The following CCDC7 variants were observed in gnomAD, a reference collection of about 807,000 sequenced individuals.
CCDC7 encodes coiled-coil domain-containing protein 7.
In CCDC7, 183 loss-of-function variants were observed where a neutral mutation model predicts 196.9. The ratio of observed to expected loss-of-function variants is 0.93; its 90% CI spans 0.82 to 1.05. The LOEUF is 1.05. Ranked by LOEUF, CCDC7 falls within the 50% of genes least tolerant of loss-of-function variation. The pLI is 0.00. For missense variants in CCDC7, 1,540 were observed against 1,482.2 expected, an observed-to-expected ratio of 1.04 and a Z score of -0.64; for synonymous variants, 525 against 484.6, an observed-to-expected ratio of 1.08 and a Z score of -1.10.
At chr10:32,827,896 G>A (rs2091388067) in intron 32 of CCDC7, among the ~76,000 whole-genome samples, 1 of 152,124 alleles carries the variant, frequency 6.6e-6, no homozygotes, top group Non-Finnish European at 1.5e-5. Context: ...ATGCAGCCAC[G>A]AAATCCCTTT....
chr10:32,564,665 G>A (rs1438736881), intron 13 of CCDC7, among the ~76,000 whole-genome samples: 2 of 152,034 alleles, frequency 1.3e-5, no homozygotes, highest in South Asian at 2.1e-4. Context: ...GTGGGGGGAC[G>A]GGGGAGGGAT....
At chr10:32,723,861 G>A (rs16933643) in intron 25 of CCDC7, among the ~76,000 whole-genome samples, 7,624 of 151,886 alleles carry the variant, frequency 0.05, 625 homozygotes, top group African/African-American at 0.17. Context: ...TTGCTGCATC[G>A]CAGGCTATCT....
intron 9 of CCDC7, among the ~76,000 whole-genome samples, chr10:32,504,939 C>G (rs1037886474): frequency 2.0e-5 from 3 of 152,142 alleles, no homozygotes; most frequent in Admixed American, 2.0e-4. Flanking sequence ...AAGTATCGTT[C>G]AAGTCCGATG....
At chr10:32,845,738 T>C (rs2093250548) in intron 35 of CCDC7, 112 bp downstream of exon 36, 2 of 1,157,206 alleles carry the variant, frequency 1.7e-6, no homozygotes. Flanking sequence ...ATTACACAGG[T>C]AAAATTCTTC....
intron 32 of CCDC7, among the ~76,000 whole-genome samples, chr10:32,831,021 A>G (rs1414530010): frequency 6.6e-6 from 1 of 152,168 alleles, no homozygotes; most frequent in African/African-American, 2.4e-5. Context: ...TCGTTGGGTG[A>G]CTTCATCATC....
chr10:32,546,339 G>A (rs542551507), intron 13 of CCDC7, among the ~76,000 whole-genome samples: 6 of 152,288 alleles, frequency 3.9e-5, no homozygotes, highest in Non-Finnish European at 7.4e-5. Flanking sequence ...TAAACAACAT[G>A]TGATTGCAAA....
chr10:32,782,000 A>G (rs2081134793), intron 29 of CCDC7, among the ~76,000 whole-genome samples: 1 of 152,224 alleles, frequency 6.6e-6, no homozygotes, highest in Admixed American at 6.5e-5. Flanking sequence ...AATTGGTTAC[A>G]TTATCTATGC....
At chr10:32,692,845 A>G (rs2077244775) in intron 23 of CCDC7, among the ~76,000 whole-genome samples, 2 of 152,094 alleles carry the variant, frequency 1.3e-5, no homozygotes, top group South Asian at 4.2e-4. Context: ...AGACTGTGTG[A>G]GTGGGCATGG....
At chr10:32,505,325 T>A (rs1302762687) in intron 9 of CCDC7, among the ~76,000 whole-genome samples, 1 of 152,002 alleles carries the variant, frequency 6.6e-6, no homozygotes, top group African/African-American at 2.4e-5. Flanking sequence ...TAGGCAGAGG[T>A]CCCTGCGGCC....
chr10:32,467,192 C>T (rs574201138), intron 5 of CCDC7, among the ~76,000 whole-genome samples: 2 of 151,994 alleles, frequency 1.3e-5, no homozygotes, highest in East Asian at 3.9e-4. Context: ...ACCTCTGCCT[C>T]CTGGGTTCAA....
At chr10:32,504,738 T>C (rs1246998387) in intron 9 of CCDC7, among the ~76,000 whole-genome samples, 1 of 152,266 alleles carries the variant, frequency 6.6e-6, no homozygotes, top group African/African-American at 2.4e-5. Flanking sequence ...CATTGATTTC[T>C]AGTTTCAAAT....
intron 32 of CCDC7, 116 bp downstream of exon 33, chr10:32,824,720 C>A: frequency 1.7e-6 from 1 of 589,972 alleles, no homozygotes; most frequent in Non-Finnish European, 2.9e-6. Context: ...AAAAAGTCTT[C>A]ATGAATTTCC....
intron 28 of CCDC7, among the ~76,000 whole-genome samples, chr10:32,733,509 T>A (rs766502775): frequency 2.0e-5 from 3 of 152,168 alleles, no homozygotes; most frequent in Non-Finnish European, 4.4e-5. Flanking sequence ...AGTAGTATGA[T>A]AATTTTCAAT....
chr10:32,856,320 A>C (rs144020434), intron 41 of CCDC7, among the ~76,000 whole-genome samples: 47 of 152,330 alleles, frequency 3.1e-4, no homozygotes, highest in South Asian at 6.2e-4. Flanking sequence ...ATATCTGATA[A>C]GGTATTAATA....
At chr10:32,521,035 T>A (rs900680770) in intron 11 of CCDC7, among the ~76,000 whole-genome samples, 9 of 152,084 alleles carry the variant, frequency 5.9e-5, no homozygotes, top group Non-Finnish European at 8.8e-5. Flanking sequence ...ATCGTAGGTG[T>A]GTGGAATTTT....
intron 28 of CCDC7, among the ~76,000 whole-genome samples, chr10:32,757,466 C>A (rs1012206008): frequency 1.3e-4 from 20 of 152,204 alleles, no homozygotes; most frequent in Admixed American, 9.8e-4. Flanking sequence ...AACCGCCCAG[C>A]TACATGGAGG....
intron 29 of CCDC7, among the ~76,000 whole-genome samples, chr10:32,802,428 T>C (rs1384933230): frequency 6.6e-6 from 1 of 152,106 alleles, no homozygotes; most frequent in African/African-American, 2.4e-5. Flanking sequence ...CTTAGCATTT[T>C]TGGGTCTAAT....
chr10:32,535,036 C>T lies in CCDC7; in HGVS notation c.994-8264C>T, dbSNP rs148148853. Among the ~76,000 whole-genome samples the T allele has an allele frequency of 7.5e-3, 1,132 of 151,696 alleles. 14 individuals are homozygous for T. Among genetic ancestry groups the T allele is most frequent in the African/African-American group, 0.026 (1,076 of 41,392 alleles). On this transcript the variant is annotated intron_variant, in intron 11 of 41. Transcript: ENST00000639629. ...GGAAGATTTTCTTCTGCATGCTTGT[C>T]GCAGGACAGAATGTGAGGAGGGGCA...
chr10:32,714,658 CGCA>C (rs1360147847), intron 25 of CCDC7, among the ~76,000 whole-genome samples: 2 of 152,180 alleles, frequency 1.3e-5, no homozygotes, highest in African/African-American at 2.4e-5. Context: ...TTGAAATTCT[CGCA>C]GCCAGCACAG....
Sources: allele counts gnomAD v4.1 joint callset (sites outside exome capture counted in the v4.1 genomes callset), GRCh38; gene constraint gnomAD v4.1.1; transcripts MANE v1.5; gene names NCBI Gene and HGNC (gene_info 2026-07-23, HGNC 2026-07-21).